The following ZNF704 variants were observed in gnomAD, a reference collection of about 807,000 sequenced individuals.
The protein encoded by ZNF704 is zinc finger protein 704.
ZNF704 carries 10 observed loss-of-function variants against 44.7 expected under a neutral mutation model. The ratio of observed to expected loss-of-function variants is 0.22; its 90% CI spans 0.14 to 0.38. The LOEUF is 0.38. Among genes scored for constraint, ZNF704 ranks in the 10% least tolerant of loss-of-function variants. The pLI, the probability that ZNF704 is intolerant of heterozygous loss-of-function variation, is 1.00. For synonymous variants in ZNF704, 211 were observed against 207.6 expected, an observed-to-expected ratio of 1.02 and a Z score of -0.14; for missense variants, 390 against 545.5, an observed-to-expected ratio of 0.71 and a Z score of 2.84.
intron 4 of ZNF704, 52 bp downstream of exon 4, chr8:80,687,174 G>A: frequency 1.9e-6 from 3 of 1,538,868 alleles, no homozygotes; most frequent in Non-Finnish European, 1.8e-6. Context: ...AGAGGGGACA[G>A]AAAGCACCTT....
chr8:80,842,224 T>C (rs549276741), intron 1 of ZNF704, among the ~76,000 whole-genome samples: 1 of 152,336 alleles, frequency 6.6e-6, no homozygotes, highest in African/African-American at 2.4e-5. Context: ...CTTACTAGGT[T>C]GATCTGGAGA....
At chr8:80,738,285 G>A (rs2131688871) in intron 2 of ZNF704, among the ~76,000 whole-genome samples, 1 of 152,230 alleles carries the variant, frequency 6.6e-6, no homozygotes, top group Admixed American at 6.5e-5. Flanking sequence ...ACTACGTCTA[G>A]CCCATACTTA....
At chr8:80,704,530 C>T (rs940466981) in intron 2 of ZNF704, among the ~76,000 whole-genome samples, 1 of 152,200 alleles carries the variant, frequency 6.6e-6, no homozygotes, top group South Asian at 2.1e-4. Context: ...TGGTGCCAGT[C>T]ACAGGAAAGA....
At chr8:80,826,709 C>T (rs543034561) in intron 1 of ZNF704, among the ~76,000 whole-genome samples, 15 of 152,276 alleles carry the variant, frequency 9.9e-5, no homozygotes, top group African/African-American at 3.6e-4. Flanking sequence ...AGCAGCATAT[C>T]ACAAAGCTTA....
intron 1 of ZNF704, among the ~76,000 whole-genome samples, chr8:80,856,106 T>C (rs1808956293): frequency 6.6e-6 from 1 of 152,160 alleles, no homozygotes; most frequent in Admixed American, 6.6e-5. Flanking sequence ...TATAGGCACA[T>C]GCTGCTGTGC....
chr8:80,693,080 G>A lies in ZNF704; in HGVS notation c.249C>T (p.Asp83=), dbSNP rs772199236. ...TTAGTACCATTGCTGCTGTCACCTT[G>A]TCCATGTCTAGTTCCTCTGAAGATT... The part of the protein sequence containing the change: ...ARKSSEELDM[D]KVTAAMVLTS... The change falls in exon 3 of 9, where the codon GAC becomes GAT. Residue 83 remains aspartate, a synonymous_variant. Transcript: ENST00000327835. The A allele has an allele frequency of 1.2e-6, 2 of 1,614,192 alleles. No individual in the cohort carries two copies. The highest frequency in any genetic ancestry group is 4.5e-5 in the East Asian group (2 of 44,882).
At chr8:80,801,871 TAATG>T (rs778750220) in intron 2 of ZNF704, among the ~76,000 whole-genome samples, 2 of 151,946 alleles carry the variant, frequency 1.3e-5, no homozygotes, top group Non-Finnish European at 2.9e-5. Flanking sequence ...CTTAAAAAAT[TAATG>T]AATCCAGGAG....
chr8:80,742,355 G>T (rs368060400), intron 2 of ZNF704, among the ~76,000 whole-genome samples: 2 of 152,130 alleles, frequency 1.3e-5, no homozygotes, highest in Admixed American at 1.3e-4. Context: ...GGCTAGCCAC[G>T]AAAGAAGGAA....
At chr8:80,654,588 A>C (rs925306098) in intron 7 of ZNF704, among the ~76,000 whole-genome samples, 1 of 152,276 alleles carries the variant, frequency 6.6e-6, no homozygotes, top group African/African-American at 2.4e-5. Context: ...ACACATGAAA[A>C]AATGTTCATC....
chr8:80,691,594 C>T (rs1454992848), intron 3 of ZNF704, among the ~76,000 whole-genome samples: 1 of 152,022 alleles, frequency 6.6e-6, no homozygotes, highest in African/African-American at 2.4e-5. Context: ...CCTTCCTCGG[C>T]CATCTTCTCT....
intron 2 of ZNF704, among the ~76,000 whole-genome samples, chr8:80,711,860 C>T (rs944235936): frequency 1.3e-5 from 2 of 152,092 alleles, no homozygotes; most frequent in African/African-American, 2.4e-5. Context: ...CTCACAGCAC[C>T]CACTGTCTCT....
At chr8:80,883,245 C>CAAAA in the ZNF704 span, among the ~76,000 whole-genome samples, 104 of 82,836 alleles carry the variant, frequency 1.3e-3, no homozygotes, top group East Asian at 1.4e-3. Context: ...GACACCCTCT[C>CAAAA]AAAAAAAAAA....
chr8:80,790,039 TGGAAGTGTGTGGCACTGGTTATCAATACC>T (rs1031333565), intron 2 of ZNF704, among the ~76,000 whole-genome samples: 1 of 152,196 alleles, frequency 6.6e-6, no homozygotes, highest in Non-Finnish European at 1.5e-5. Context: ...AAGATTGGTG[TGGAAGTGTGTGGCACTGGTTATCAATACC>T]ACAGCATTTC....
chr8:80,879,886 T>C, the ZNF704 span, among the ~76,000 whole-genome samples: 1 of 152,182 alleles, frequency 6.6e-6, no homozygotes, highest in Non-Finnish European at 1.5e-5. Context: ...GCAAGACCCT[T>C]CTGGTGTCAG....
At position 80,803,121 on chromosome 8, in the gene ZNF704, T is replaced by C. The variant is rs576907312; in HGVS notation, c.221+18253A>G. ...TACAAAAAAATAAAATACCTAGGAA[T>C]ACAGCTAACAAGGGAAGTGAGAACT... On this transcript the variant is annotated intron_variant, in intron 2 of 8. Transcript: ENST00000327835. Among the ~76,000 whole-genome samples, 27 of 152,260 alleles carry C rather than the reference T, an allele frequency of 1.8e-4. No individual in the cohort carries two copies. The East Asian group carries it at 4.2e-3, about 24-fold the overall frequency.
chr8:80,842,078 T>G (rs1808690369), intron 1 of ZNF704, among the ~76,000 whole-genome samples: 1 of 152,202 alleles, frequency 6.6e-6, no homozygotes, highest in African/African-American at 2.4e-5. Flanking sequence ...ATCACAGGCA[T>G]GAGCTACTGT....
intron 2 of ZNF704, among the ~76,000 whole-genome samples, chr8:80,763,601 T>C (rs1454380669): frequency 6.6e-6 from 1 of 152,188 alleles, no homozygotes; most frequent in Non-Finnish European, 1.5e-5. Flanking sequence ...TCTGGGCCTG[T>C]GATGAGAGGG....
intron 2 of ZNF704, among the ~76,000 whole-genome samples, chr8:80,738,587 T>G: frequency 6.6e-6 from 1 of 152,144 alleles, no homozygotes; most frequent in East Asian, 1.9e-4. Flanking sequence ...TTTTTTTCTT[T>G]ACTGAACCTT....
chr8:80,713,859 A>C (rs1407425503), intron 2 of ZNF704, among the ~76,000 whole-genome samples: 3 of 152,224 alleles, frequency 2.0e-5, no homozygotes, highest in African/African-American at 7.2e-5. Flanking sequence ...GCTGACATCG[A>C]GTAGAATATC....
Sources: allele counts gnomAD v4.1 joint callset (sites outside exome capture counted in the v4.1 genomes callset), GRCh38; gene constraint gnomAD v4.1.1; transcripts MANE v1.5; gene names NCBI Gene and HGNC (gene_info 2026-07-23, HGNC 2026-07-21).